SHANK2: variants seen among roughly 807,000 people sequenced by gnomAD.
SHANK2 encodes the protein SH3 and multiple ankyrin repeat domains 2.
Under a neutral mutation model 133.7 loss-of-function variants are expected in SHANK2, and 43 were observed. That is an observed-to-expected ratio of 0.32 (90% CI 0.25 to 0.41). The LOEUF is 0.41. Among genes scored for constraint, SHANK2 ranks in the 10% least tolerant of loss-of-function variants. SHANK2 has a pLI of 1.00. For missense variants in SHANK2, 1,994 were observed against 2,235.8 expected (o/e 0.89, Z 2.18); for synonymous variants, 1,017 against 952.8 (o/e 1.07, Z -1.24).
intron 17 of SHANK2, among the ~76,000 whole-genome samples, chr11:70,583,258 G>C (rs782394666): frequency 6.6e-6 from 1 of 152,176 alleles, no homozygotes; most frequent in Non-Finnish European, 1.5e-5. Context: ...CCCAACTGAT[G>C]CAAGAGGTGG....
chr11:71,082,537 C>T (rs1466803436), intron 8 of SHANK2, among the ~76,000 whole-genome samples: 5 of 152,226 alleles, frequency 3.3e-5, no homozygotes, highest in African/African-American at 7.2e-5. Context: ...CCAGGCAGCT[C>T]ACGCTGGGCT....
chr11:70,760,682 C>T (rs12275075), intron 14 of SHANK2, among the ~76,000 whole-genome samples: 14,734 of 152,274 alleles, frequency 0.097, 916 homozygotes, highest in South Asian at 0.28. Flanking sequence ...GGGAGCGGCT[C>T]GGGAAGGCCC....
intron 11 of SHANK2, among the ~76,000 whole-genome samples, chr11:70,851,702 T>C (rs558921646): frequency 1.5e-4 from 23 of 152,324 alleles, no homozygotes; most frequent in African/African-American, 5.5e-4. Context: ...TTAGGATTTT[T>C]AGTTACTCAC....
intron 13 of SHANK2, among the ~76,000 whole-genome samples, chr11:70,802,157 A>T (rs1948060371): frequency 6.6e-6 from 1 of 152,140 alleles, no homozygotes; most frequent in Admixed American, 6.5e-5. Flanking sequence ...CCTGGCTAGA[A>T]AGAAGGTTCA....
At chr11:70,718,040 CT>C (rs576161182) in intron 14 of SHANK2, among the ~76,000 whole-genome samples, 2 of 152,010 alleles carry the variant, frequency 1.3e-5, no homozygotes, top group African/African-American at 2.4e-5. Context: ...GTACCAGGGA[CT>C]TTTTTTTCCC....
chr11:70,599,962 AG>A (rs1554990603), intron 17 of SHANK2, among the ~76,000 whole-genome samples: 1 of 124,690 alleles, frequency 8.0e-6, no homozygotes, highest in Non-Finnish European at 1.7e-5. Context: ...AAAGAAAGAA[AG>A]AAAGAAAGAA....
intron 10 of SHANK2, among the ~76,000 whole-genome samples, chr11:70,931,634 GCCCTCACCCGC>G (rs1315216261): frequency 6.6e-6 from 1 of 152,176 alleles, no homozygotes; most frequent in Non-Finnish European, 1.5e-5. Flanking sequence ...TCATCTCTAA[GCCCTCACCCGC>G]CCCTCTGAAA....
intron 14 of SHANK2, among the ~76,000 whole-genome samples, chr11:70,737,619 G>A (rs1255680960): frequency 7.2e-5 from 11 of 152,186 alleles, no homozygotes; most frequent in Non-Finnish European, 1.2e-4. Flanking sequence ...AAAGGCTTCC[G>A]CGCTCCCTGA....
At chr11:70,628,044 C>A (rs1308381652) in intron 17 of SHANK2, among the ~76,000 whole-genome samples, 1 of 152,150 alleles carries the variant, frequency 6.6e-6, no homozygotes, top group Non-Finnish European at 1.5e-5. Flanking sequence ...ACTGAAATAG[C>A]GGCCTTCCAG....
At chr11:71,121,177 A>G (rs1393658748) in intron 3 of SHANK2, among the ~76,000 whole-genome samples, 1 of 152,150 alleles carries the variant, frequency 6.6e-6, no homozygotes, top group East Asian at 1.9e-4. Context: ...TCCTAGGGAA[A>G]CCCACCCACC....
intron 14 of SHANK2, among the ~76,000 whole-genome samples, chr11:70,772,886 C>T (rs1015811955): frequency 3.9e-5 from 6 of 152,144 alleles, no homozygotes; most frequent in South Asian, 2.1e-4. Flanking sequence ...CTCTGCATTT[C>T]GCTCTCTTGC....
chr11:70,820,394 C>A lies in SHANK2; in HGVS notation c.1463G>T (p.Gly488Val), dbSNP rs115457448. The A allele has an allele frequency of 4.6e-3, 3,080 of 665,522 alleles. 84 individuals are homozygous for A. In the African/African-American group the frequency reaches 0.051, roughly 11 times the overall value. 41.2% of individuals were successfully genotyped at this position (665,522 alleles called of 1,614,324 possible). A position where few individuals can be genotyped will look rare whatever the true frequency, so the allele number is the denominator to read the frequency against. ...ATGCCAGAGAGGCTGCGGCCTCTTG[C>A]CGTCCTCGCCTGCGCCGCCCAGCCT... is the stretch of plus-strand genomic sequence containing the variant. Reference protein sequence around the residue: ...LNRLGGAGEDGKRPQPLWHVG... With the variant: ...LNRLGGAGEDVKRPQPLWHVG... The change falls in exon 12 of 26, where the codon GGC becomes GTC. Residue 488 changes from glycine (G) to valine (V), a missense_variant. Around this residue, in one of 5 missense-constraint regions of SHANK2, gnomAD observed 653 missense variants for 563.4 expected, o/e 1.16. Coordinates refer to ENST00000601538, the MANE Select transcript of SHANK2 (RefSeq NM_012309.5).
chr11:70,652,772 T>C (rs77521298), intron 17 of SHANK2, among the ~76,000 whole-genome samples: 6,207 of 152,192 alleles, frequency 0.041, 430 homozygotes, highest in African/African-American at 0.14. Flanking sequence ...GATTGTGCCA[T>C]GCACTCCAGC....
chr11:70,495,429 C>T (rs1011026143), intron 21 of SHANK2, among the ~76,000 whole-genome samples: 3 of 152,216 alleles, frequency 2.0e-5, no homozygotes, highest in Admixed American at 1.3e-4. Flanking sequence ...CTCCTCTGGC[C>T]GGCTGTGATG....
chr11:70,728,671 G>T (rs1433829514), intron 14 of SHANK2, among the ~76,000 whole-genome samples: 2 of 152,192 alleles, frequency 1.3e-5, no homozygotes, highest in Non-Finnish European at 2.9e-5. Context: ...CTGACCATGG[G>T]TGGTCTTTCT....
intron 11 of SHANK2, among the ~76,000 whole-genome samples, chr11:70,841,973 C>A (rs1555061851): frequency 1.3e-5 from 2 of 152,124 alleles, no homozygotes; most frequent in Non-Finnish European, 2.9e-5. Flanking sequence ...GCTGTCACTG[C>A]CCTTATTCCT....
At chr11:70,525,777 C>T (rs1032289516) in intron 17 of SHANK2, among the ~76,000 whole-genome samples, 16 of 152,070 alleles carry the variant, frequency 1.1e-4, no homozygotes, top group Admixed American at 9.8e-4. Flanking sequence ...TCCAGCTAAC[C>T]CCCCTCCTAG....
intron 17 of SHANK2, among the ~76,000 whole-genome samples, chr11:70,615,940 ACTGG>A (rs1449133579): frequency 2.0e-5 from 3 of 152,114 alleles, no homozygotes; most frequent in Non-Finnish European, 4.4e-5. Flanking sequence ...ACCAGCATTT[ACTGG>A]GGCCACTCAG....
At chr11:70,616,934 G>A (rs1372465182) in intron 17 of SHANK2, among the ~76,000 whole-genome samples, 4 of 152,238 alleles carry the variant, frequency 2.6e-5, no homozygotes, top group East Asian at 1.9e-4. Context: ...GTGCTCCTGT[G>A]TGTGTCTATG....
Sources: gnomAD v4.1 joint callset for allele counts (sites outside exome capture counted in the v4.1 genomes callset) on GRCh38, gnomAD v4.1.1 for gene constraint, gnomAD v4.1.1 regional missense constraint, MANE v1.5 for transcripts, NCBI Gene and HGNC (gene_info 2026-07-23, HGNC 2026-07-21) for gene names.